The following PRKDC variants were observed in gnomAD, a reference collection of about 807,000 sequenced individuals.
PRKDC encodes DNA-dependent protein kinase catalytic subunit.
Under a neutral mutation model 486.9 loss-of-function variants are expected in PRKDC, and 82 were observed. The observed-to-expected ratio is 0.17, with a 90% CI of 0.14 to 0.20. The LOEUF (loss-of-function observed/expected upper bound fraction) is 0.20, where lower values mean the gene tolerates loss of function less well. Ranked by LOEUF, PRKDC falls within the 10% of genes least tolerant of loss-of-function variation. The pLI is 1.00. For synonymous variants in PRKDC, 1,895 were observed against 1,837.0 expected, an observed-to-expected ratio of 1.03 and a Z score of -0.81; for missense variants, 4,504 against 5,038.2, an observed-to-expected ratio of 0.89 and a Z score of 3.21.
At chr8:47,949,365 G>C (rs1589814882) in intron 7 of PRKDC, among the ~76,000 whole-genome samples, 2 of 152,218 alleles carry the variant, frequency 1.3e-5, no homozygotes, top group East Asian at 3.8e-4. Flanking sequence ...TACTTAACCT[G>C]TCTGAGTGGC....
At chr8:47,939,758 C>G in intron 10 of PRKDC, 61 bp from the exon 11 acceptor site, 2 of 1,350,384 alleles carry the variant, frequency 1.5e-6, no homozygotes, top group Non-Finnish European at 2.0e-6. Context: ...TCTATACAAA[C>G]ATGGAAAAAC....
intron 83 of PRKDC, 77 bp downstream of exon 83, chr8:47,778,382 G>A (rs1220521016): frequency 2.8e-6 from 4 of 1,446,948 alleles, no homozygotes; most frequent in Non-Finnish European, 3.7e-6. Context: ...CTTAAAAACT[G>A]TCTATTTCTG....
chr8:47,793,657 A>G (rs2086923524), intron 74 of PRKDC, among the ~76,000 whole-genome samples: 1 of 148,696 alleles, frequency 6.7e-6, no homozygotes, highest in Non-Finnish European at 1.5e-5. Context: ...AGAAATAAAA[A>G]TAAAAATAAA....
intron 57 of PRKDC, 28 bp from the exon 58 acceptor site, chr8:47,836,555 T>C (rs1191426545): frequency 1.3e-6 from 2 of 1,533,500 alleles, no homozygotes; most frequent in Non-Finnish European, 1.8e-6. Context: ...TCAAATGAAA[T>C]AAAGTTTCAA....
At chr8:47,909,548 T>G (rs115805827) in intron 25 of PRKDC, among the ~76,000 whole-genome samples, 3,966 of 152,258 alleles carry the variant, frequency 0.026, 153 homozygotes, top group African/African-American at 0.082. Flanking sequence ...GATTTTCAGG[T>G]AACAAGCAAG....
Position 47,888,647 on chromosome 8 carries a change from A to G in PRKDC, c.4284T>C (p.Ile1428=), listed in dbSNP as rs764777087. ...HLREKITAQS[I]EELCAVNLYG... ...ACAAGTTGACGGCACAAAGCTCCTC[A>G]ATGCTGGCCATGTGACAAAACAGTA... is the stretch of plus-strand genomic sequence containing the variant. The change falls in exon 34 of 86, where the codon ATT becomes ATC. Residue 1428 remains isoleucine (I), a synonymous_variant. Coordinates refer to ENST00000314191, the MANE Select transcript of PRKDC (RefSeq NM_006904.7). 1.9e-6 allele frequency: 3 copies of G among 1,577,996 alleles called. No homozygotes were observed. Among genetic ancestry groups the G allele is most frequent in the Non-Finnish European group, 2.6e-6 (3 of 1,163,392 alleles).
intron 67 of PRKDC, among the ~76,000 whole-genome samples, chr8:47,818,578 CAAAAAAAA>C (rs1174698261): frequency 5.5e-5 from 2 of 36,118 alleles, no homozygotes; most frequent in Non-Finnish European, 1.3e-4. Context: ...GACTCCGTCT[CAAAAAAAA>C]AAAAAAAAAA....
intron 22 of PRKDC, 92 bp downstream of exon 22, chr8:47,918,185 T>A: frequency 1.2e-6 from 1 of 861,092 alleles, no homozygotes; most frequent in Non-Finnish European, 1.7e-6. Flanking sequence ...CAAAAACAAC[T>A]AACATTTTAA....
At chr8:47,907,433 C>A (rs1158194090) in intron 25 of PRKDC, among the ~76,000 whole-genome samples, 1 of 151,458 alleles carries the variant, frequency 6.6e-6, no homozygotes, top group East Asian at 1.9e-4. Context: ...CACACACACA[C>A]ACACAATACA....
intron 36 of PRKDC, among the ~76,000 whole-genome samples, chr8:47,883,573 C>T (rs1388811573): frequency 6.6e-6 from 1 of 152,208 alleles, no homozygotes; most frequent in Non-Finnish European, 1.5e-5. Flanking sequence ...CTAGTCTCCT[C>T]CTCTTTTCTC....
chr8:47,806,987 C>T (rs2154498478), intron 69 of PRKDC, 150 bp downstream of exon 69: 2 of 754,854 alleles, frequency 2.6e-6, no homozygotes, highest in Admixed American at 3.4e-5. Flanking sequence ...TGAGCCACTG[C>T]ACCCGGCCAA....
At chr8:47,852,906 G>A in intron 51 of PRKDC, 122 bp from the exon 52 acceptor site, 2 of 673,892 alleles carry the variant, frequency 3.0e-6, no homozygotes, top group Non-Finnish European at 5.1e-6. Flanking sequence ...TCTAAATATA[G>A]AATGTGATGC....
chr8:47,835,155 T>C (rs1485263171), intron 58 of PRKDC, among the ~76,000 whole-genome samples: 5 of 152,176 alleles, frequency 3.3e-5, no homozygotes, highest in Non-Finnish European at 5.9e-5. Context: ...ACTTTGCTCA[T>C]CAAAGGAAGC....
At chr8:47,927,078 T>A (rs1012715487) in intron 21 of PRKDC, 116 bp downstream of exon 21, 9 of 957,440 alleles carry the variant, frequency 9.4e-6, no homozygotes, top group Non-Finnish European at 1.3e-5. Flanking sequence ...CAATCAAACA[T>A]ATTTTGAACA....
Position 47,927,051 on chromosome 8 carries a change from G to C in PRKDC, c.2419+143C>G. 4.9e-6 allele frequency: 4 copies of C among 823,786 alleles called. No homozygotes were observed. In the South Asian group the frequency reaches 6.6e-5, roughly 14 times the overall value. 51.0% of individuals were successfully genotyped at this position (823,786 alleles called of 1,614,324 possible). A position where few individuals can be genotyped will look rare whatever the true frequency, so the allele number is the denominator to read the frequency against. The stretch of plus-strand genomic sequence containing the variant: ...TCACAATTAGAGTCAGATAAATTAG[G>C]GAAATTACAAAAATAGCAATCAAAC... On this transcript the variant is annotated intron_variant, in intron 21 of 85. Transcript: ENST00000314191.
intron 11 of PRKDC, among the ~76,000 whole-genome samples, chr8:47,936,754 T>A (rs1166177712): frequency 6.6e-6 from 1 of 150,772 alleles, no homozygotes; most frequent in South Asian, 2.1e-4. Context: ...GTAGCTGGGA[T>A]TACAGGCATG....
At position 47,774,168 on chromosome 8, in the gene PRKDC, A is replaced by G. The variant is rs762352583; in HGVS notation, c.*5T>C. The G allele has an allele frequency of 1.3e-6, 2 of 1,567,204 alleles. No homozygotes were observed. Among genetic ancestry groups the G allele is most frequent in the African/African-American group, 2.7e-5 (2 of 73,954 alleles). ...ATGCTTTCTATCTGCAGACTCCCACAGACCTCACATCCAGGGCTCCCATCC... is the reference window on the plus strand; with the variant it reads ...ATGCTTTCTATCTGCAGACTCCCACGGACCTCACATCCAGGGCTCCCATCC... On this transcript the variant is annotated 3_prime_UTR_variant, in exon 86 of 86. Transcript: ENST00000314191.
chr8:47,817,087 G>C (rs1305578871), intron 68 of PRKDC, among the ~76,000 whole-genome samples: 1 of 152,154 alleles, frequency 6.6e-6, no homozygotes, highest in East Asian at 1.9e-4. Flanking sequence ...AAAAATCCTA[G>C]TTATAAAAAA....
intron 85 of PRKDC, among the ~76,000 whole-genome samples, chr8:47,776,040 TC>T (rs1452459301): frequency 2.6e-5 from 4 of 152,112 alleles, no homozygotes; most frequent in African/African-American, 9.7e-5. Context: ...GCCAGGGTGG[TC>T]TCGAACTCCT....
Sources: allele counts gnomAD v4.1 joint callset (sites outside exome capture counted in the v4.1 genomes callset), GRCh38; gene constraint gnomAD v4.1.1; transcripts MANE v1.5; gene names NCBI Gene and HGNC (gene_info 2026-07-23, HGNC 2026-07-21).